The following WIF1 variants were observed in gnomAD, a reference collection of about 807,000 sequenced individuals.
WIF1 encodes Wnt inhibitory factor 1.
A neutral mutation model predicts 53.5 loss-of-function variants in WIF1; 35 were observed. The observed-to-expected ratio is 0.65, with a 90% confidence interval of 0.50 to 0.87. The LOEUF is 0.87. Ranked by LOEUF, WIF1 falls within the 40% of genes least tolerant of loss-of-function variation. The pLI is 0.00. For missense variants in WIF1, 467 were observed against 476.8 expected (o/e 0.98, Z 0.19); for synonymous variants, 171 against 170.4 (o/e 1.00, Z -0.03).
chr12:65,067,826 C>A (rs1434817430), intron 4 of WIF1, 36 bp from the exon 5 acceptor site: 22 of 1,586,758 alleles, frequency 1.4e-5, no homozygotes, highest in Non-Finnish European at 1.7e-5. Context: ...TATGGACACC[C>A]TTGAAATCAT....
intron 2 of WIF1, among the ~76,000 whole-genome samples, chr12:65,103,854 A>T (rs925723953): frequency 6.6e-6 from 1 of 152,208 alleles, no homozygotes; most frequent in African/African-American, 2.4e-5. Flanking sequence ...TAATGGAAAT[A>T]AAAATAGTGG....
chr12:65,097,454 C>A (rs1444993031), intron 2 of WIF1, among the ~76,000 whole-genome samples: 2 of 152,110 alleles, frequency 1.3e-5, no homozygotes, highest in Admixed American at 6.6e-5. Context: ...TTAAGAGTCA[C>A]CCCCAAAGCA....
Position 65,051,211 on chromosome 12 carries a change from T to C in WIF1, c.*138A>G. ...CTTAAAAGGAAGAGTAAATATCAGC[T>C]CAGTGATTTATAATGAAGCTAATAA... On this transcript the variant is annotated 3_prime_UTR_variant, in exon 10 of 10. Transcript: ENST00000286574. 2 of 1,117,074 alleles carry C rather than the reference T, an allele frequency of 1.8e-6. No individual in the cohort carries two copies. The highest frequency in any genetic ancestry group is 2.4e-6 in the Non-Finnish European group (2 of 816,964). 69.2% of individuals were successfully genotyped at this position (1,117,074 alleles called of 1,614,324 possible).
At chr12:65,059,196 C>CATTAA (rs1347258597) in intron 7 of WIF1, among the ~76,000 whole-genome samples, 3 of 152,054 alleles carry the variant, frequency 2.0e-5, no homozygotes, top group Non-Finnish European at 4.4e-5. Flanking sequence ...AAAATAAAGA[C>CATTAA]ATTAAATTTC....
At chr12:65,086,699 C>CTTTTTTT (rs1883043108) in intron 2 of WIF1, among the ~76,000 whole-genome samples, 1 of 103,722 alleles carries the variant, frequency 9.6e-6, no homozygotes, top group African/African-American at 3.4e-5. Context: ...CCTAGTGTTT[C>CTTTTTTT]TTTCTTTTTT....
intron 7 of WIF1, among the ~76,000 whole-genome samples, chr12:65,056,401 T>TA (rs1565747664): frequency 1.7e-4 from 17 of 102,960 alleles, no homozygotes; most frequent in Non-Finnish European, 2.6e-4. Flanking sequence ...TTTTTTTTTT[T>TA]TTTAAGTAAA....
intron 6 of WIF1, among the ~76,000 whole-genome samples, chr12:65,064,975 T>C (rs1267455938): frequency 6.6e-6 from 1 of 152,178 alleles, no homozygotes; most frequent in African/African-American, 2.4e-5. Flanking sequence ...TCCTCTAGAA[T>C]GCCCAGTTTT....
At chr12:65,052,508 G>A (rs145279474) in intron 9 of WIF1, among the ~76,000 whole-genome samples, 1 of 152,058 alleles carries the variant, frequency 6.6e-6, no homozygotes, top group Non-Finnish European at 1.5e-5. Context: ...ATCATGCCTG[G>A]GTCCCTGGAA....
At chr12:65,085,743 A>G (rs1303501544) in intron 2 of WIF1, among the ~76,000 whole-genome samples, 1 of 152,144 alleles carries the variant, frequency 6.6e-6, no homozygotes, top group Non-Finnish European at 1.5e-5. Context: ...GGACTGAGGG[A>G]GTGAGGTTAT....
Position 65,092,527 on chromosome 12 carries a change from TG to T in WIF1, c.289-14674del, listed in dbSNP as rs1353855400. Among the ~76,000 whole-genome samples, 12 of 146,116 alleles carry T rather than the reference TG, an allele frequency of 8.2e-5. No individual in the cohort carries two copies. The South Asian group carries it at 2.6e-3, about 32-fold the overall frequency. ...ATGTGTGTATATATATATATATGCA[TG>T]GTATGCGATTGCTGTTTCTGAGAGG... is the stretch of plus-strand genomic sequence containing the variant. On this transcript the variant is annotated intron_variant, in intron 2 of 9. Transcript: ENST00000286574.
chr12:65,120,972 G>GTA, intron 1 of WIF1, 72 bp downstream of exon 1: 1 of 1,356,488 alleles, frequency 7.4e-7, no homozygotes, highest in East Asian at 2.8e-5. Context: ...AGAAACGCAG[G>GTA]TATCCCTCTT....
In WIF1 at chr12:65,062,479, A is replaced by G. The variant is rs1400748385; in HGVS notation, c.826+2T>C. ...AAAAGAACGCAGAAAGTCAATACTCACTGATTTCACACTGCTCTCCCTCTA... is the reference window on the plus strand; with the variant it reads ...AAAAGAACGCAGAAAGTCAATACTCGCTGATTTCACACTGCTCTCCCTCTA... On this transcript the variant is annotated splice_donor_variant, in intron 7 of 9. Coordinates refer to ENST00000286574, the MANE Select transcript of WIF1 (RefSeq NM_007191.5). LOFTEE classifies it high-confidence loss of function. 6.2e-7 allele frequency: 1 copy of G among 1,602,816 alleles called. No individual in the cohort carries two copies. Among genetic ancestry groups the G allele is most frequent in the Non-Finnish European group, 8.5e-7 (1 of 1,173,122 alleles).
intron 9 of WIF1, 65 bp downstream of exon 9, chr12:65,055,053 G>C: frequency 1.3e-6 from 2 of 1,534,610 alleles, no homozygotes; most frequent in South Asian, 2.3e-5. Flanking sequence ...CCCTTCTTCT[G>C]GTCTCCCACT....
intron 2 of WIF1, among the ~76,000 whole-genome samples, chr12:65,094,690 T>C (rs994277099): frequency 1.3e-5 from 2 of 152,134 alleles, no homozygotes; most frequent in African/African-American, 4.8e-5. Context: ...CTTTTTGTAC[T>C]AAACATGAGA....
chr12:65,054,943 G>T (rs973399179), intron 9 of WIF1, among the ~76,000 whole-genome samples, 175 bp downstream of exon 9: 1 of 152,236 alleles, frequency 6.6e-6, no homozygotes, highest in South Asian at 2.1e-4. Flanking sequence ...TGGGGGAGAA[G>T]AGGCAGAGAA....
chr12:65,076,165 G>A lies in WIF1; in HGVS notation c.397+1581C>T, dbSNP rs574950157. On this transcript the variant is annotated intron_variant, in intron 3 of 9. Coordinates refer to ENST00000286574, the MANE Select transcript of WIF1 (RefSeq NM_007191.5). ...CAACCCTCCTGCCTCAGCCTCCTGA[G>A]CATCTGGGACTATGGGTATGTGCCA... 8.5e-5 allele frequency among the ~76,000 whole-genome samples: 13 copies of A among 152,166 alleles called. No individual in the cohort carries two copies. The South Asian group carries it at 2.7e-3, about 32-fold the overall frequency.
At chr12:65,083,347 C>T (rs1359788075) in intron 2 of WIF1, among the ~76,000 whole-genome samples, 1 of 152,144 alleles carries the variant, frequency 6.6e-6, no homozygotes, top group African/African-American at 2.4e-5. Context: ...ATCTGAATAT[C>T]TAGAGCAAAA....
chr12:65,117,945 C>T (rs1452991579), intron 2 of WIF1, among the ~76,000 whole-genome samples: 1 of 152,204 alleles, frequency 6.6e-6, no homozygotes, highest in Admixed American at 6.5e-5. Flanking sequence ...GCTGTGCTCC[C>T]CAGTTCCCAA....
intron 2 of WIF1, among the ~76,000 whole-genome samples, chr12:65,113,550 G>C (rs186925809): frequency 1.3e-5 from 2 of 151,896 alleles, no homozygotes; most frequent in Non-Finnish European, 2.9e-5. Flanking sequence ...CATAGAACCA[G>C]ATGTGGCTTA....
Sources: gnomAD v4.1 joint callset for allele counts (sites outside exome capture counted in the v4.1 genomes callset) on GRCh38, gnomAD v4.1.1 for gene constraint, MANE v1.5 for transcripts, NCBI Gene and HGNC (gene_info 2026-07-23, HGNC 2026-07-21) for gene names.